The following TSHR variants were observed in gnomAD, a reference collection of about 807,000 sequenced individuals.
The protein encoded by TSHR is thyrotropin receptor.
A neutral mutation model predicts 64.1 loss-of-function variants in TSHR; 51 were observed. That is an observed-to-expected ratio of 0.80 (90% CI 0.64 to 1.01). The LOEUF (loss-of-function observed/expected upper bound fraction) is 1.01. Among genes scored for constraint, TSHR ranks in the 50% least tolerant of loss-of-function variants. The probability of loss-of-function intolerance (pLI) is 0.00; values close to 1 mark genes in which losing one functional copy is unlikely to be tolerated. For synonymous variants in TSHR, 361 were observed against 361.9 expected (o/e 1.00, Z 0.03); for missense variants, 877 against 942.8 (o/e 0.93, Z 0.91).
intron 1 of TSHR, among the ~76,000 whole-genome samples, chr14:80,995,855 A>C (rs903055402): frequency 2.0e-5 from 3 of 151,912 alleles, no homozygotes; most frequent in African/African-American, 7.2e-5. Flanking sequence ...AAAAAAGAAT[A>C]AAGGGTAGCA....
intron 1 of TSHR, among the ~76,000 whole-genome samples, chr14:81,044,130 A>G (rs1440375428): frequency 6.6e-6 from 1 of 152,260 alleles, no homozygotes; most frequent in Non-Finnish European, 1.5e-5. Flanking sequence ...AAAAGAAACT[A>G]TCATCAGAGT....
In TSHR at chr14:80,982,696, C is replaced by A. The variant is rs997006916; in HGVS notation, c.170+26846C>A. ...CTCCAGCAGTATTCGGATTAGATCC[C>A]AGGCATCTAAGGCAAGCCCTCCTTC... On this transcript the variant is annotated intron_variant, in intron 1 of 9. Coordinates refer to ENST00000298171, the MANE Select transcript of TSHR (RefSeq NM_000369.5). The A allele has an allele frequency of 2.1e-5, 20 of 959,792 alleles. 1 individual carries two copies. The Admixed American group carries it at 4.7e-4, about 22-fold the overall frequency. The allele number at this position is 959,792 out of a possible 1,614,324, so 59.5% of individuals were successfully genotyped here.
At chr14:81,104,700 C>A (rs1196081579) in intron 7 of TSHR, 1 of 985,296 alleles carries the variant, frequency 1.0e-6, no homozygotes, top group Non-Finnish European at 1.2e-6. Flanking sequence ...TTTTCCTCAG[C>A]TCATTCCTCA....
intron 1 of TSHR, among the ~76,000 whole-genome samples, chr14:81,016,867 A>C (rs1290729244): frequency 6.6e-6 from 1 of 152,152 alleles, no homozygotes; most frequent in Non-Finnish European, 1.5e-5. Flanking sequence ...TTTTCCTAAC[A>C]CCACTTATTG....
chr14:80,970,826 T>A (rs1254047963), intron 1 of TSHR, among the ~76,000 whole-genome samples: 1 of 152,174 alleles, frequency 6.6e-6, no homozygotes. Context: ...TAGAAGGGAT[T>A]TTTTTGTGAG....
rs1318368613 is a variant in TSHR at position 81,108,377 on chromosome 14, AC to A, written c.619del (p.Leu207Ter). The A allele has an allele frequency of 6.2e-7, 1 of 1,610,358 alleles. No homozygotes were observed. The highest frequency in any genetic ancestry group is 8.5e-7 in the Non-Finnish European group (1 of 1,177,096). On this transcript the variant is annotated frameshift_variant, in exon 8 of 10. Transcript: ENST00000298171. LOFTEE classifies it high-confidence loss of function. ...AFNGTKLDAVYLNKNKYLTVI... is the reference protein window; with the variant it reads ...AFNGTKLDAVXLNKNKYLTVI... ...TCTCTTTCTCTCTCTCCCTCTAGTT[AC>A]CTAAACAAGAATAAATACCTGACAG... is the stretch of plus-strand genomic sequence containing the variant.
intron 8 of TSHR, among the ~76,000 whole-genome samples, chr14:81,117,607 A>C (rs1290743967): frequency 1.1e-4 from 15 of 139,394 alleles, no homozygotes; most frequent in South Asian, 5.0e-4. Flanking sequence ...CAAGGAGGAA[A>C]TGGTACCATT....
chr14:80,980,944 A>C (rs1256851515), intron 1 of TSHR, among the ~76,000 whole-genome samples: 1 of 151,586 alleles, frequency 6.6e-6, no homozygotes, highest in African/African-American at 2.4e-5. Flanking sequence ...ATATCTGTTC[A>C]TTTTTGTGGT....
intron 1 of TSHR, among the ~76,000 whole-genome samples, chr14:81,042,542 A>G (rs1046650619): frequency 1.3e-5 from 2 of 152,144 alleles, no homozygotes; most frequent in African/African-American, 2.4e-5. Context: ...GAAAGAGAAA[A>G]ACAAATACTG....
intron 8 of TSHR, among the ~76,000 whole-genome samples, chr14:81,135,589 C>T (rs1891421715): frequency 1.3e-5 from 2 of 152,088 alleles, no homozygotes; most frequent in South Asian, 4.1e-4. Context: ...GTGGGGGGTT[C>T]TTAGCACAAT....
At chr14:80,986,980 G>C (rs1297253946) in intron 1 of TSHR, among the ~76,000 whole-genome samples, 2 of 152,134 alleles carry the variant, frequency 1.3e-5, no homozygotes, top group Admixed American at 1.3e-4. Flanking sequence ...AAGTACTTGA[G>C]AATTTTCAGT....
At chr14:81,030,214 A>G (rs1440380479) in intron 1 of TSHR, among the ~76,000 whole-genome samples, 3 of 152,208 alleles carry the variant, frequency 2.0e-5, no homozygotes, top group Admixed American at 2.0e-4. Context: ...CACTTTCACA[A>G]AGAACTTTCA....
chr14:81,146,027 C>A lies in TSHR; in HGVS notation c.*1674C>A. 1 of 231,588 alleles carries A rather than the reference C, an allele frequency of 4.3e-6. No individual in the cohort carries two copies. The highest frequency in any genetic ancestry group is 8.5e-6 in the Non-Finnish European group (1 of 117,000). 14.3% of individuals were successfully genotyped at this position (231,588 alleles called of 1,614,324 possible). A position where few individuals can be genotyped will look rare whatever the true frequency, so the allele number is the denominator to read the frequency against. The stretch of plus-strand genomic sequence containing the variant: ...CACTCATCACTATCATTGAGACCTG[C>A]ACATCTTAATAGAAATATTATAAAC... On this transcript the variant is annotated 3_prime_UTR_variant, in exon 10 of 10. Coordinates refer to ENST00000298171, the MANE Select transcript of TSHR (RefSeq NM_000369.5).
chr14:81,038,234 C>A (rs553599835), intron 1 of TSHR, among the ~76,000 whole-genome samples: 3 of 151,866 alleles, frequency 2.0e-5, no homozygotes, highest in East Asian at 3.9e-4. Flanking sequence ...CTGGAACAAC[C>A]AATGGGCCAA....
In TSHR at chr14:81,022,544, C is replaced by T. The variant is rs534019881; in HGVS notation, c.171-39604C>T. Among the ~76,000 whole-genome samples the T allele has an allele frequency of 4.6e-5, 7 of 151,592 alleles. 1 individual carries two copies. The highest frequency in any genetic ancestry group is 1.7e-4 in the African/African-American group (7 of 41,314). ...TATTAAGATGTGGGGTGTTTGGGGC[C>T]GGGCACGGTGGCTCACACCTGTAAT... is the stretch of plus-strand genomic sequence containing the variant. On this transcript the variant is annotated intron_variant, in intron 1 of 9. Coordinates refer to ENST00000298171, the MANE Select transcript of TSHR (RefSeq NM_000369.5).
rs1400838545 is a variant in TSHR, at chr14:81,094,232, GA to G, written c.545+1627del. ...CTTTGTACCTGTATTCCTGGTAGGA[GA>G]AAGTTTCAGTCAAAGTTTGTAATTC... On this transcript the variant is annotated intron_variant, in intron 6 of 9. Transcript: ENST00000298171. 1.8e-4 allele frequency: 27 copies of G among 152,314 alleles called. 1 individual carries two copies. The East Asian group carries it at 4.4e-3, about 25-fold the overall frequency. 9.4% of individuals were successfully genotyped at this position (152,314 alleles called of 1,614,324 possible). A position where few individuals can be genotyped will look rare whatever the true frequency, so the allele number is the denominator to read the frequency against.
intron 1 of TSHR, among the ~76,000 whole-genome samples, chr14:80,999,405 A>G (rs1889190266): frequency 6.6e-6 from 1 of 152,198 alleles, no homozygotes; most frequent in Non-Finnish European, 1.5e-5. Flanking sequence ...TTTTTCCTCC[A>G]TTCTGTATAC....
chr14:81,026,095 A>G (rs1170473176), intron 1 of TSHR, among the ~76,000 whole-genome samples: 7 of 152,226 alleles, frequency 4.6e-5, no homozygotes, highest in Admixed American at 1.3e-4. Context: ...AGCTAACTCT[A>G]CAAGAAACTA....
chr14:80,970,666 G>A (rs1191185125), intron 1 of TSHR, among the ~76,000 whole-genome samples: 1 of 152,194 alleles, frequency 6.6e-6, no homozygotes, highest in Non-Finnish European at 1.5e-5. Flanking sequence ...ATAGACTCTT[G>A]TAGGTCCTAC....
Sources: allele counts gnomAD v4.1 joint callset (sites outside exome capture counted in the v4.1 genomes callset), GRCh38; gene constraint gnomAD v4.1.1; transcripts MANE v1.5; gene names NCBI Gene and HGNC (gene_info 2026-07-23, HGNC 2026-07-21).